The following PLIN3 variants were observed in gnomAD, a reference collection of about 807,000 sequenced individuals.
PLIN3 encodes the protein perilipin 3.
A neutral mutation model predicts 35.9 loss-of-function variants in PLIN3; 30 were observed. The ratio of observed to expected loss-of-function variants is 0.84; its 90% confidence interval spans 0.62 to 1.13. PLIN3 has a LOEUF of 1.13. Ranked by LOEUF, PLIN3 falls within the 50% of genes most tolerant of loss-of-function variation. The pLI is 0.00. For synonymous variants in PLIN3, 261 were observed against 262.5 expected (o/e 0.99, Z 0.06); for missense variants, 603 against 596.9 (o/e 1.01, Z -0.11).
chr19:4,857,644 G>T (rs1490882820), intron 4 of PLIN3, among the ~76,000 whole-genome samples: 1 of 152,026 alleles, frequency 6.6e-6, no homozygotes, highest in Non-Finnish European at 1.5e-5. Flanking sequence ...GCCTTCAGGT[G>T]TTAACCCCAG....
intron 4 of PLIN3, among the ~76,000 whole-genome samples, chr19:4,856,831 G>A (rs1200224478): frequency 2.0e-5 from 3 of 150,706 alleles, no homozygotes; most frequent in South Asian, 2.1e-4. Context: ...TCAGCCTCCC[G>A]AGTAGCTGAG....
At position 4,844,677 on chromosome 19, in the gene PLIN3, G is replaced by A; in HGVS notation, c.951C>T (p.Pro317=). 1.2e-6 allele frequency: 2 copies of A among 1,609,510 alleles called. No individual in the cohort carries two copies. The highest frequency in any genetic ancestry group is 1.7e-6 in the Non-Finnish European group (2 of 1,178,324). ...KQLQGPEKEP[P]KPEQVESRAL... ...GTCCCCTCATGGGTACCTCTGGCTT[G>A]GGCGGCTCCTTCTCGGGGCCCTGGA... Residue 317 remains proline, a synonymous_variant, in exon 7 of 8, where the codon CCC becomes CCT. Coordinates refer to ENST00000221957, the MANE Select transcript of PLIN3 (RefSeq NM_005817.5).
At chr19:4,858,024 C>A (rs1267304279) in intron 4 of PLIN3, among the ~76,000 whole-genome samples, 2 of 151,338 alleles carry the variant, frequency 1.3e-5, no homozygotes, top group Admixed American at 6.6e-5. Context: ...CCTGTAATCC[C>A]AGCACTTTGG....
chr19:4,856,522 C>T (rs1277004799), intron 4 of PLIN3, among the ~76,000 whole-genome samples: 1 of 151,336 alleles, frequency 6.6e-6, no homozygotes, highest in Non-Finnish European at 1.5e-5. Flanking sequence ...CGCACCATTG[C>T]ACTCCAGCCT....
chr19:4,841,920 A>T (rs540001775), intron 7 of PLIN3, among the ~76,000 whole-genome samples: 7 of 83,658 alleles, frequency 8.4e-5, no homozygotes, highest in African/African-American at 3.4e-4. Context: ...AAAAAAAAAA[A>T]AAAAAAGAAA....
chr19:4,847,854 G>A lies in PLIN3; in HGVS notation c.671C>T (p.Ala224Val), dbSNP rs142986276. 15 of 1,613,790 alleles carry A rather than the reference G, an allele frequency of 9.3e-6. No homozygotes were observed. Among genetic ancestry groups the A allele is most frequent in the Middle Eastern group, 3.3e-4 (2 of 6,082 alleles). ...IATSLDGFDV[A>V]SVQQQRQEQS... The stretch of plus-strand genomic sequence containing the variant: ...TTCCTGCCGCTGCTGCTGCACGGAC[G>A]CGACGTCAAAGCCATCCAGGGATGT... Residue 224 changes from alanine to valine, a missense_variant, in exon 6 of 8, where the codon GCG becomes GTG. Coordinates refer to ENST00000221957, the MANE Select transcript of PLIN3 (RefSeq NM_005817.5).
At chr19:4,848,173 G>A (rs932252842) in intron 5 of PLIN3, among the ~76,000 whole-genome samples, 2 of 151,986 alleles carry the variant, frequency 1.3e-5, no homozygotes, top group African/African-American at 2.4e-5. Flanking sequence ...TAGTAGAGAC[G>A]GGGTTTCACC....
intron 4 of PLIN3, among the ~76,000 whole-genome samples, chr19:4,857,940 C>A (rs2030526703): frequency 6.7e-6 from 1 of 150,118 alleles, no homozygotes; most frequent in Non-Finnish European, 1.5e-5. Flanking sequence ...TGCACCAGTG[C>A]ACTCCAGCCT....
rs370203080 is a variant in PLIN3, at chr19:4,844,775, C to A, written c.853G>T (p.Gly285Cys). Reference protein sequence around the residue: ...VLSLMETVKQGVDQKLVEGQE... With the variant: ...VLSLMETVKQCVDQKLVEGQE... Reference sequence around the variant, plus strand: ...CCTTCCACCAGCTTCTGATCAACGCCTTGCTTGACAGTTTCCATCTGGGGC... The same window carrying A: ...CCTTCCACCAGCTTCTGATCAACGCATTGCTTGACAGTTTCCATCTGGGGC... Residue 285 changes from glycine (G) to cysteine (C), a missense_variant, in exon 7 of 8, where the codon GGC (glycine) becomes TGC (cysteine). By Grantham distance (159) the Gly-to-Cys change is radical (BLOSUM62 -3). Transcript: ENST00000221957. The A allele has an allele frequency of 1.3e-5, 21 of 1,600,982 alleles. No individual in the cohort carries two copies. Among genetic ancestry groups the A allele is most frequent in the Non-Finnish European group, 1.7e-5 (20 of 1,174,018 alleles).
chr19:4,863,219 CG>C (rs2030731807), intron 1 of PLIN3, among the ~76,000 whole-genome samples: 2 of 151,208 alleles, frequency 1.3e-5, no homozygotes, highest in Admixed American at 1.3e-4. Flanking sequence ...ATTTAAAGGC[CG>C]GGTGCGGTGG....
At chr19:4,855,281 AGCTGCT>A (rs2030438129) in intron 4 of PLIN3, among the ~76,000 whole-genome samples, 1 of 133,154 alleles carries the variant, frequency 7.5e-6, no homozygotes, top group African/African-American at 2.8e-5. Context: ...AAAAGCTCCC[AGCTGCT>A]GCTCTGTTCA....
chr19:4,839,148 G>A lies in PLIN3; in HGVS notation c.*44C>T, dbSNP rs1453007870. 1 of 1,477,846 alleles carries A rather than the reference G, an allele frequency of 6.8e-7. No individual in the cohort carries two copies. The highest frequency in any genetic ancestry group is 1.2e-5 in the South Asian group (1 of 80,810). The allele number at this position is 1,477,846 out of a possible 1,614,324, so 91.5% of individuals were successfully genotyped here. A position where few individuals can be genotyped will look rare whatever the true frequency, so the allele number is the denominator to read the frequency against. ...CCCGGGTTGAGGACTCCAGAGCACA[G>A]CTGCATTATAGAGACGGGGCCCGCT... is the stretch of plus-strand genomic sequence containing the variant. On this transcript the variant is annotated 3_prime_UTR_variant, in exon 8 of 8. Transcript: ENST00000221957.
At chr19:4,847,414 C>T (rs1455896799) in intron 6 of PLIN3, among the ~76,000 whole-genome samples, 1 of 152,086 alleles carries the variant, frequency 6.6e-6, no homozygotes, top group East Asian at 1.9e-4. Context: ...AGGTGGGTCT[C>T]AAACCCCTGG....
rs200196139 is a variant in PLIN3, at chr19:4,858,696, T to TTG, written c.348+893_348+894insCA. Among the ~76,000 whole-genome samples the TTG allele has an allele frequency of 5.4e-3, 393 of 73,080 alleles. 28 individuals carry two copies. The highest frequency in any genetic ancestry group is 0.013 in the Middle Eastern group (2 of 154). 47.9% of individuals were successfully genotyped at this position (73,080 alleles called of 152,430 possible). A position where few individuals can be genotyped will look rare whatever the true frequency, so the allele number is the denominator to read the frequency against. On this transcript the variant is annotated intron_variant, in intron 4 of 7. Coordinates refer to ENST00000221957, the MANE Select transcript of PLIN3 (RefSeq NM_005817.5). ...CGCGCCTGGCCAGAATATGGTGTTTTTTTGGTTTTTTTTTTTTTTTTTGAG... is the reference window on the plus strand; with the variant it reads ...CGCGCCTGGCCAGAATATGGTGTTTTTGTTTGGTTTTTTTTTTTTTTTTTGAG...
At chr19:4,852,986 G>A (rs34966303) in intron 4 of PLIN3, among the ~76,000 whole-genome samples, 33,178 of 151,702 alleles carry the variant, frequency 0.22, 3,911 homozygotes, top group South Asian at 0.36. Context: ...GGCTAATTTT[G>A]TATTTTTAGT....
In PLIN3 at chr19:4,859,894, C is replaced by T. The variant is rs772404378; in HGVS notation, c.197G>A (p.Gly66Glu). ...IKTVCDAAEK[G>E]VRTLTAAAVS... ...AGCAGCCGCCGTGAGGGTCCTCACT[C>T]CCTTCTCTGCTGCGTCGCAGACAGT... Residue 66 changes from glycine (G) to glutamate (E), a missense_variant, in exon 3 of 8, where the codon GGA (glycine) becomes GAA (glutamate). Transcript: ENST00000221957. 43 of 1,613,756 alleles carry T rather than the reference C, an allele frequency of 2.7e-5. No individual in the cohort carries two copies. The highest frequency in any genetic ancestry group is 3.2e-5 in the Non-Finnish European group (38 of 1,180,048).
chr19:4,854,079 C>T (rs1339274582), intron 4 of PLIN3, among the ~76,000 whole-genome samples: 3 of 151,742 alleles, frequency 2.0e-5, no homozygotes, highest in Non-Finnish European at 2.9e-5. Context: ...ACTACAGGTA[C>T]GCACCACCAC....
Position 4,847,865 on chromosome 19 carries a change from G to A in PLIN3, c.660C>T (p.Gly220=). The A allele has an allele frequency of 6.2e-7, 1 of 1,613,812 alleles. No homozygotes were observed. Among genetic ancestry groups the A allele is most frequent in the Non-Finnish European group, 8.5e-7 (1 of 1,179,902 alleles). The change falls in exon 6 of 8, where the codon GGC becomes GGT. Residue 220 remains glycine, a synonymous_variant. Coordinates refer to ENST00000221957, the MANE Select transcript of PLIN3 (RefSeq NM_005817.5). ...ELARIATSLD[G]FDVASVQQQR... ...GCTGCTGCACGGACGCGACGTCAAA[G>A]CCATCCAGGGATGTGGCGATGCGGG...
intron 1 of PLIN3, among the ~76,000 whole-genome samples, chr19:4,863,760 G>A (rs1038496623): frequency 6.6e-5 from 10 of 151,472 alleles, no homozygotes; most frequent in Non-Finnish European, 1.3e-4. Context: ...CCCAGGAGGT[G>A]GAGGTTGCAG....
Sources: allele counts gnomAD v4.1 joint callset (sites outside exome capture counted in the v4.1 genomes callset), GRCh38; gene constraint gnomAD v4.1.1; transcripts MANE v1.5; gene names NCBI Gene and HGNC (gene_info 2026-07-23, HGNC 2026-07-21).